Variants in EPB41L4B observed in about 807,000 individuals in gnomAD.
EPB41L4B encodes the protein erythrocyte membrane protein band 4.1 like 4B, also known as band 4.1-like protein 4B.
A neutral mutation model predicts 112.5 loss-of-function variants in EPB41L4B; 30 were observed. The ratio of observed to expected loss-of-function variants is 0.27; its 90% CI spans 0.20 to 0.36. EPB41L4B has a LOEUF of 0.36. EPB41L4B is among the 10% of genes least tolerant of loss of function. The pLI is 1.00. For missense variants in EPB41L4B, 1,024 were observed against 1,133.3 expected (o/e 0.90, Z 1.38); for synonymous variants, 408 against 439.7 (o/e 0.93, Z 0.90).
chr9:109,235,270 A>T (rs1834098207), intron 15 of EPB41L4B, among the ~76,000 whole-genome samples: 1 of 151,510 alleles, frequency 6.6e-6, no homozygotes, highest in African/African-American at 2.4e-5. Context: ...GTCTTTATAT[A>T]TGTGTTAATG....
At chr9:109,290,930 T>G (rs1836504022) in intron 1 of EPB41L4B, among the ~76,000 whole-genome samples, 1 of 152,218 alleles carries the variant, frequency 6.6e-6, no homozygotes, top group Middle Eastern at 3.4e-3. Context: ...GAGTAAGAAA[T>G]ACCATCTCAG....
intron 6 of EPB41L4B, 141 bp downstream of exon 6, chr9:109,262,909 C>A: frequency 1.7e-6 from 1 of 600,074 alleles, no homozygotes; most frequent in Non-Finnish European, 2.9e-6. Flanking sequence ...CTGGACTGCA[C>A]GCCACTTGGG....
At position 109,252,221 on chromosome 9, in the gene EPB41L4B, G is replaced by A. The variant is rs556130032; in HGVS notation, c.1280-710C>T. The stretch of plus-strand genomic sequence containing the variant: ...GTATACACCTGTAGGGGCTGGGAAC[G>A]CACTGCTATCTTGAGACAGCTCTTT... On this transcript the variant is annotated intron_variant, in intron 12 of 25. Transcript: ENST00000374566. 7.2e-5 allele frequency among the ~76,000 whole-genome samples: 11 copies of A among 152,288 alleles called. No individual in the cohort carries two copies. In the East Asian group the frequency reaches 1.7e-3, roughly 24 times the overall value.
chr9:109,245,389 T>C (rs1369222055), intron 14 of EPB41L4B, among the ~76,000 whole-genome samples: 1 of 152,200 alleles, frequency 6.6e-6, no homozygotes, highest in Non-Finnish European at 1.5e-5. Flanking sequence ...TTTTGGAAAC[T>C]TCCTTGGTCT....
chr9:109,266,174 G>T (rs1411644837), intron 4 of EPB41L4B, among the ~76,000 whole-genome samples: 1 of 152,170 alleles, frequency 6.6e-6, no homozygotes, highest in Non-Finnish European at 1.5e-5. Flanking sequence ...CAGCCTAGCA[G>T]GAGCCTGGGT....
At chr9:109,209,420 G>A (rs957393248) in intron 17 of EPB41L4B, among the ~76,000 whole-genome samples, 17 of 152,094 alleles carry the variant, frequency 1.1e-4, no homozygotes, top group Middle Eastern at 6.8e-3. Context: ...CAGCGCTTTG[G>A]GAGGCCGGGG....
intron 15 of EPB41L4B, among the ~76,000 whole-genome samples, chr9:109,231,126 TC>T (rs1833940061): frequency 7.0e-6 from 1 of 143,608 alleles, no homozygotes; most frequent in Non-Finnish European, 1.5e-5. Flanking sequence ...GCCATTGCAC[TC>T]CAGCCTGGGT....
chr9:109,247,977 G>C (rs1486845532), intron 13 of EPB41L4B, among the ~76,000 whole-genome samples, 188 bp from the exon 14 acceptor site: 5 of 152,132 alleles, frequency 3.3e-5, no homozygotes, highest in Non-Finnish European at 7.3e-5. Flanking sequence ...GAAAACCCCA[G>C]ACAGCAACTT....
Position 109,243,488 on chromosome 9 carries a change from CG to C in EPB41L4B, c.1409+129del, listed in dbSNP as rs1031013618. The C allele has an allele frequency of 6.7e-6, 5 of 748,818 alleles. No individual in the cohort carries two copies. In the African/African-American group the frequency reaches 8.7e-5, roughly 13 times the overall value. 46.4% of individuals were successfully genotyped at this position (748,818 alleles called of 1,614,324 possible). On this transcript the variant is annotated intron_variant, in intron 15 of 25. Coordinates refer to ENST00000374566, the MANE Select transcript of EPB41L4B (RefSeq NM_019114.5). ...CTTTGCTTTGAAAATTTATTCATCT[CG>C]GCCATGACAATGCATCCCTTAAGGG...
At chr9:109,310,179 C>G (rs186005362) in intron 1 of EPB41L4B, among the ~76,000 whole-genome samples, 2 of 152,164 alleles carry the variant, frequency 1.3e-5, no homozygotes, top group African/African-American at 4.8e-5. Context: ...ACAGTAAGAA[C>G]TCCAGTCATC....
chr9:109,200,236 A>G lies in EPB41L4B; in HGVS notation c.2045T>C (p.Phe682Ser), dbSNP rs762071417. 6.2e-7 allele frequency: 1 copy of G among 1,613,340 alleles called. No individual in the cohort carries two copies. Among genetic ancestry groups the G allele is most frequent in the Admixed American group, 1.7e-5 (1 of 60,012 alleles). The change falls in exon 20 of 26, where the codon TTT becomes TCT. Residue 682 changes from phenylalanine to serine, a missense_variant and splice_region_variant. Transcript: ENST00000374566. ...GAAAAAGTTGCAGTACAGAACTCAC[A>G]AACTATACTGTCTTGTTAACTTCCT... ...RVRKLTRQYS[F>S]DEDDLPPDLA... is the part of the protein sequence containing the mutation.
At chr9:109,277,493 G>A (rs181253785) in intron 2 of EPB41L4B, among the ~76,000 whole-genome samples, 30 of 152,234 alleles carry the variant, frequency 2.0e-4, no homozygotes, top group African/African-American at 7.0e-4. Context: ...CCTGTCGGGT[G>A]GCCAAGAGTC....
intron 1 of EPB41L4B, among the ~76,000 whole-genome samples, chr9:109,296,545 C>G (rs1159757326): frequency 1.3e-5 from 2 of 152,094 alleles, no homozygotes; most frequent in Admixed American, 6.5e-5. Context: ...TGGGACGGGC[C>G]TGGGGATGAA....
intron 15 of EPB41L4B, among the ~76,000 whole-genome samples, chr9:109,231,834 G>A (rs562194855): frequency 1.3e-5 from 2 of 152,240 alleles, no homozygotes; most frequent in Non-Finnish European, 2.9e-5. Context: ...AGGTGTGCAT[G>A]TGTGTGCAGT....
At chr9:109,223,789 C>T (rs897073932) in intron 15 of EPB41L4B, among the ~76,000 whole-genome samples, 1 of 152,092 alleles carries the variant, frequency 6.6e-6, no homozygotes, top group Non-Finnish European at 1.5e-5. Flanking sequence ...GAGGCCGAGG[C>T]AGGTGGATCA....
At chr9:109,257,107 G>A (rs1290004056) in intron 7 of EPB41L4B, among the ~76,000 whole-genome samples, 1 of 152,220 alleles carries the variant, frequency 6.6e-6, no homozygotes, top group African/African-American at 2.4e-5. Context: ...GTGTGTGGGT[G>A]GGGTGTGCCA....
chr9:109,258,127 T>C (rs781195490), intron 7 of EPB41L4B, 50 bp downstream of exon 7: 1 of 1,579,784 alleles, frequency 6.3e-7, no homozygotes, highest in Non-Finnish European at 8.6e-7. Context: ...TCAACACTTA[T>C]TTATGACAAA....
chr9:109,298,744 C>T (rs1038461631), intron 1 of EPB41L4B, among the ~76,000 whole-genome samples: 2 of 152,182 alleles, frequency 1.3e-5, no homozygotes, highest in Admixed American at 6.5e-5. Context: ...AACGTCTCGT[C>T]ATCTTTTAAC....
intron 15 of EPB41L4B, among the ~76,000 whole-genome samples, chr9:109,227,590 CT>C (rs547681094): frequency 7.0e-4 from 104 of 148,352 alleles, no homozygotes; most frequent in African/African-American, 1.6e-3. Context: ...ATATCCCCCC[CT>C]TTTTTTTTTG....
Sources: gnomAD v4.1 joint callset for allele counts (sites outside exome capture counted in the v4.1 genomes callset) on GRCh38, gnomAD v4.1.1 for gene constraint, MANE v1.5 for transcripts, NCBI Gene and HGNC (gene_info 2026-07-23, HGNC 2026-07-21) for gene names.